Variants in ADAMTS12 observed in about 807,000 individuals in gnomAD.
The protein encoded by ADAMTS12 is A disintegrin and metalloproteinase with thrombospondin motifs 12.
In ADAMTS12, 118 loss-of-function variants were observed where a neutral mutation model predicts 167.8. The ratio of observed to expected loss-of-function variants is 0.70; its 90% CI spans 0.61 to 0.82. The LOEUF (loss-of-function observed/expected upper bound fraction) is 0.82. ADAMTS12 is among the 40% of genes least tolerant of loss of function. ADAMTS12 has a pLI of 0.00. For missense variants in ADAMTS12, 1,916 were observed against 1,998.8 expected, an observed-to-expected ratio of 0.96 and a Z score of 0.79; for synonymous variants, 704 against 716.9, an observed-to-expected ratio of 0.98 and a Z score of 0.29.
At chr5:33,853,081 C>G (rs1044971648) in intron 2 of ADAMTS12, among the ~76,000 whole-genome samples, 5 of 152,302 alleles carry the variant, frequency 3.3e-5, no homozygotes, top group Middle Eastern at 6.8e-3. Context: ...GTACTGTCCT[C>G]CCGGAACCGA....
intron 22 of ADAMTS12, among the ~76,000 whole-genome samples, chr5:33,536,852 G>A (rs1393334652): frequency 6.6e-6 from 1 of 152,190 alleles, no homozygotes; most frequent in Non-Finnish European, 1.5e-5. Flanking sequence ...AATTCTTACA[G>A]CATTTTTATG....
chr5:33,802,421 C>T lies in ADAMTS12; in HGVS notation c.490-50873G>A, dbSNP rs1747048861. On this transcript the variant is annotated intron_variant, in intron 2 of 23. Coordinates refer to ENST00000504830, the MANE Select transcript of ADAMTS12 (RefSeq NM_030955.4). ...CATTTGTCAAACAAGATGACACCAC[C>T]CACAATGTCACAGTAGTGGAGGTGG... Among the ~76,000 whole-genome samples, 3 of 152,142 alleles carry T rather than the reference C, an allele frequency of 2.0e-5. No individual in the cohort carries two copies. In the South Asian group the frequency reaches 6.2e-4, roughly 32 times the overall value.
In ADAMTS12 at chr5:33,525,389, T is replaced by G. The variant is rs1743768183; in HGVS notation, c.*1799A>C. ...TGAATTTCATCCCAATCCCACTGTT[T>G]TATTTTTCACAGGAATTCATGAGAG... On this transcript the variant is annotated 3_prime_UTR_variant, in exon 24 of 24. Transcript: ENST00000504830. 6.6e-6 allele frequency: 1 copy of G among 152,212 alleles called. No individual in the cohort carries two copies. The highest frequency in any genetic ancestry group is 2.1e-4 in the South Asian group (1 of 4,830). 9.4% of individuals were successfully genotyped at this position (152,212 alleles called of 1,614,324 possible). A position where few individuals can be genotyped will look rare whatever the true frequency, so the allele number is the denominator to read the frequency against.
intron 7 of ADAMTS12, among the ~76,000 whole-genome samples, chr5:33,655,703 A>G (rs1419870799): frequency 3.3e-5 from 5 of 151,520 alleles, no homozygotes; most frequent in Non-Finnish European, 7.4e-5. Context: ...GGTTTGTTAC[A>G]TAAGTATACA....
chr5:33,724,053 T>G (rs1031138242), intron 3 of ADAMTS12, among the ~76,000 whole-genome samples: 114 of 152,324 alleles, frequency 7.5e-4, no homozygotes, highest in African/African-American at 2.7e-3. Flanking sequence ...GGATCCAGAG[T>G]GAGCCTGTAC....
At chr5:33,810,594 A>G (rs1293833607) in intron 2 of ADAMTS12, among the ~76,000 whole-genome samples, 1 of 152,222 alleles carries the variant, frequency 6.6e-6, no homozygotes, top group Admixed American at 6.5e-5. Context: ...AAAAAAGTGA[A>G]GTAATTTCTA....
chr5:33,534,043 C>A (rs1426197521), intron 23 of ADAMTS12, among the ~76,000 whole-genome samples: 3 of 152,196 alleles, frequency 2.0e-5, no homozygotes, highest in African/African-American at 7.2e-5. Flanking sequence ...GTCAATGAAG[C>A]CCAAACAATC....
chr5:33,734,257 GT>G (rs1392926106), intron 3 of ADAMTS12, among the ~76,000 whole-genome samples: 1 of 152,180 alleles, frequency 6.6e-6, no homozygotes, highest in Non-Finnish European at 1.5e-5. Context: ...AGGAGAAGTG[GT>G]CATACCCTGT....
At chr5:33,864,285 G>A (rs113493293) in intron 2 of ADAMTS12, among the ~76,000 whole-genome samples, 2,466 of 152,274 alleles carry the variant, frequency 0.016, 61 homozygotes, top group African/African-American at 0.057. Flanking sequence ...AAACCACAAT[G>A]AGATGCCATC....
In ADAMTS12 at chr5:33,641,910, T is replaced by C; in HGVS notation, c.1618A>G (p.Ser540Gly). Residue 540 changes from serine to glycine, a missense_variant, in exon 11 of 24, where the codon AGC (serine) becomes GGC (glycine). Transcript: ENST00000504830. ...CAGCGGCCCCAGCCTCCAGGAATGC[T>C]CTCTGGTTTCTTCCCCACTGTGATG... Reference protein sequence around the residue: ...KCITVGKKPESIPGGWGRWSP... With the variant: ...KCITVGKKPEGIPGGWGRWSP... The C allele has an allele frequency of 1.9e-6, 3 of 1,613,658 alleles. No homozygotes were observed. Among genetic ancestry groups the C allele is most frequent in the Non-Finnish European group, 2.5e-6 (3 of 1,179,714 alleles).
rs1738982604 is a variant in ADAMTS12 at position 33,615,916 on chromosome 5, A to G, written c.2300T>C (p.Leu767Pro). The change falls in exon 15 of 24, where the codon CTG becomes CCG. Residue 767 changes from leucine to proline, a missense_variant. Coordinates refer to ENST00000504830, the MANE Select transcript of ADAMTS12 (RefSeq NM_030955.4). The stretch of plus-strand genomic sequence containing the variant: ...GTCATACTGAAAGACAGTCCCTGCC[A>G]GCTTATAGTTCCCGTTCCACTGGAT... ...FIIQWNGNYKLAGTVFQYDRK... is the reference protein window; with the variant it reads ...FIIQWNGNYKPAGTVFQYDRK... 2 of 1,614,024 alleles carry G rather than the reference A, an allele frequency of 1.2e-6. No individual in the cohort carries two copies. The highest frequency in any genetic ancestry group is 1.7e-6 in the Non-Finnish European group (2 of 1,180,020).
chr5:33,533,914 T>C (rs901570250), intron 23 of ADAMTS12, among the ~76,000 whole-genome samples: 1 of 152,226 alleles, frequency 6.6e-6, no homozygotes. Context: ...CAAGTCAAAA[T>C]TATGGGCATT....
intron 3 of ADAMTS12, among the ~76,000 whole-genome samples, chr5:33,705,415 A>C (rs1011660566): frequency 6.6e-6 from 1 of 151,988 alleles, no homozygotes; most frequent in East Asian, 1.9e-4. Flanking sequence ...TTCTTTGTAT[A>C]TTCTGGATGT....
At position 33,748,883 on chromosome 5, in the gene ADAMTS12, A is replaced by G. The variant is rs553937081; in HGVS notation, c.634+2521T>C. The stretch of plus-strand genomic sequence containing the variant: ...AGCAAGGCCAAGAACATTTCATTAC[A>G]CCAAGATTTAAAAATTTTAAACGTC... On this transcript the variant is annotated intron_variant, in intron 3 of 23. Transcript: ENST00000504830. Among the ~76,000 whole-genome samples, 4 of 152,282 alleles carry G rather than the reference A, an allele frequency of 2.6e-5. No homozygotes were observed. The South Asian group carries it at 8.3e-4, about 32-fold the overall frequency.
At chr5:33,701,736 G>T (rs1291437253) in intron 3 of ADAMTS12, among the ~76,000 whole-genome samples, 2 of 152,168 alleles carry the variant, frequency 1.3e-5, no homozygotes, top group Non-Finnish European at 2.9e-5. Flanking sequence ...CTCAGAGTTG[G>T]CAATCCAGGT....
intron 2 of ADAMTS12, among the ~76,000 whole-genome samples, chr5:33,852,023 AAG>A (rs1401128664): frequency 6.6e-6 from 1 of 152,246 alleles, no homozygotes; most frequent in Non-Finnish European, 1.5e-5. Context: ...TGGAAAAGAT[AAG>A]AGACCACTGA....
At chr5:33,574,372 A>G (rs1346273545) in intron 19 of ADAMTS12, among the ~76,000 whole-genome samples, 5 of 152,108 alleles carry the variant, frequency 3.3e-5, no homozygotes, top group Non-Finnish European at 7.4e-5. Context: ...GATAGATCGG[A>G]TTAAGAAAAT....
chr5:33,837,111 A>T (rs1009586772), intron 2 of ADAMTS12, among the ~76,000 whole-genome samples: 1 of 152,194 alleles, frequency 6.6e-6, no homozygotes, highest in South Asian at 2.1e-4. Flanking sequence ...GACAAGCCCC[A>T]CTGTGTGCTT....
chr5:33,827,757 AGAT>A (rs1748142948), intron 2 of ADAMTS12, among the ~76,000 whole-genome samples: 5 of 140,296 alleles, frequency 3.6e-5, no homozygotes. Context: ...ATAGATAGAT[AGAT>A]AGAATGTTTT....
Sources: allele counts gnomAD v4.1 joint callset (sites outside exome capture counted in the v4.1 genomes callset), GRCh38; gene constraint gnomAD v4.1.1; transcripts MANE v1.5; gene names NCBI Gene and HGNC (gene_info 2026-07-23, HGNC 2026-07-21).